PDE3A: variants seen among roughly 807,000 people sequenced by gnomAD.
PDE3A encodes phosphodiesterase 3A.
A neutral mutation model predicts 98.3 loss-of-function variants in PDE3A; 43 were observed. The ratio of observed to expected loss-of-function variants is 0.44; its 90% CI spans 0.34 to 0.56. The LOEUF is 0.56. Ranked by LOEUF, PDE3A falls within the 20% of genes least tolerant of loss-of-function variation. The pLI, the probability that PDE3A is intolerant of heterozygous loss-of-function variation, is 0.01. For missense variants in PDE3A, 1,427 were observed against 1,440.7 expected (o/e 0.99, Z 0.15); for synonymous variants, 663 against 567.9 (o/e 1.17, Z -2.38).
intron 1 of PDE3A, among the ~76,000 whole-genome samples, chr12:20,503,662 G>A (rs1946063622): frequency 6.6e-6 from 1 of 151,820 alleles, no homozygotes; most frequent in Non-Finnish European, 1.5e-5. Flanking sequence ...TTTTAAAAAA[G>A]TTGTCCAGAT....
intron 1 of PDE3A, among the ~76,000 whole-genome samples, chr12:20,505,016 T>A (rs1210622407): frequency 6.6e-6 from 1 of 152,124 alleles, no homozygotes; most frequent in South Asian, 2.1e-4. Flanking sequence ...CTTTTCCTTG[T>A]AATTATACAG....
intron 2 of PDE3A, among the ~76,000 whole-genome samples, chr12:20,601,477 A>C (rs1943589874): frequency 1.3e-5 from 2 of 152,326 alleles, no homozygotes; most frequent in South Asian, 4.1e-4. Flanking sequence ...ATGGCAGTAA[A>C]GTTCCACAAA....
At chr12:20,633,315 T>G (rs1944424409) in intron 6 of PDE3A, among the ~76,000 whole-genome samples, 1 of 152,170 alleles carries the variant, frequency 6.6e-6, no homozygotes, top group African/African-American at 2.4e-5. Context: ...GGAAGATAAC[T>G]TTTGTCTAAA....
chr12:20,503,838 G>A (rs1946066697), intron 1 of PDE3A, among the ~76,000 whole-genome samples: 2 of 151,946 alleles, frequency 1.3e-5, no homozygotes, highest in Admixed American at 6.6e-5. Context: ...TCATTAAATT[G>A]TAGCTTTCAA....
chr12:20,585,373 T>C (rs1943167144), intron 2 of PDE3A, among the ~76,000 whole-genome samples: 1 of 152,226 alleles, frequency 6.6e-6, no homozygotes, highest in Non-Finnish European at 1.5e-5. Context: ...CCTAAGCATT[T>C]ATTCTTGGAA....
chr12:20,540,008 C>T (rs1403249099), intron 1 of PDE3A, among the ~76,000 whole-genome samples: 6 of 152,050 alleles, frequency 3.9e-5, no homozygotes, highest in East Asian at 1.9e-4. Flanking sequence ...AAATTCAGCT[C>T]GAGTCCACCC....
intron 1 of PDE3A, among the ~76,000 whole-genome samples, chr12:20,494,016 A>G (rs944997039): frequency 2.6e-5 from 4 of 152,246 alleles, no homozygotes; most frequent in Non-Finnish European, 4.4e-5. Context: ...AAGGGGATTC[A>G]GACTATTTTC....
At chr12:20,532,687 C>CTTTT (rs137966114) in intron 1 of PDE3A, among the ~76,000 whole-genome samples, 1 of 107,888 alleles carries the variant, frequency 9.3e-6, no homozygotes, top group Admixed American at 9.9e-5. Flanking sequence ...GTTTCTCTCT[C>CTTTT]TTTTTTTTTT....
At position 20,616,317 on chromosome 12, in the gene PDE3A, T is replaced by C. The variant is rs1944007243; in HGVS notation, c.1357T>C (p.Leu453=). Residue 453 remains leucine, a synonymous_variant, in exon 4 of 16, where the codon TTG becomes CTG. Coordinates refer to ENST00000359062, the MANE Select transcript of PDE3A (RefSeq NM_000921.5). ...TTTSATGLPT[L]EPAPVRRDRS... ...CACCTCGGCCACAGGTCTACCCACC[T>C]TGGAGCCTGCACCAGTACGGAGAGA... is the stretch of plus-strand genomic sequence containing the variant. 6.2e-7 allele frequency: 1 copy of C among 1,614,104 alleles called. No individual in the cohort carries two copies. The highest frequency in any genetic ancestry group is 8.5e-7 in the Non-Finnish European group (1 of 1,179,986).
At chr12:20,619,324 A>T (rs1248800429) in intron 4 of PDE3A, among the ~76,000 whole-genome samples, 1 of 151,546 alleles carries the variant, frequency 6.6e-6, no homozygotes, top group Non-Finnish European at 1.5e-5. Flanking sequence ...AACACATTTT[A>T]AATGTTTTTA....
rs1022970456 is a variant in PDE3A at position 20,566,972 on chromosome 12, A to AT, written c.1011+10266dup. ...ATGGTAGTATATGCACAATTATTGC[A>AT]TTTTCAGGCCTTTGCATGAGTTTTT... On this transcript the variant is annotated intron_variant, in intron 2 of 15. Coordinates refer to ENST00000359062, the MANE Select transcript of PDE3A (RefSeq NM_000921.5). Among the ~76,000 whole-genome samples, 13 of 152,036 alleles carry AT rather than the reference A, an allele frequency of 8.6e-5. No homozygotes were observed. In the East Asian group the frequency reaches 2.3e-3, roughly 27 times the overall value.
intron 14 of PDE3A, among the ~76,000 whole-genome samples, chr12:20,653,630 G>T (rs1270479782): frequency 2.0e-5 from 3 of 152,166 alleles, no homozygotes; most frequent in Admixed American, 6.5e-5. Flanking sequence ...ACAGGCGTGA[G>T]CCACCACGCC....
intron 1 of PDE3A, among the ~76,000 whole-genome samples, chr12:20,461,461 G>C (rs1054121847): frequency 1.4e-4 from 22 of 152,090 alleles, no homozygotes; most frequent in African/African-American, 4.8e-4. Flanking sequence ...TAACATGGTA[G>C]AATCACCAAG....
At chr12:20,646,446 C>T (rs1337123541) in intron 10 of PDE3A, 44 bp from the exon 11 acceptor site, 1 of 1,081,062 alleles carries the variant, frequency 9.3e-7, no homozygotes, top group Admixed American at 1.7e-5. Flanking sequence ...TTCTTGGACC[C>T]CAAAGTTCAT....
chr12:20,470,595 G>A (rs4762759), intron 1 of PDE3A, among the ~76,000 whole-genome samples: 119,105 of 152,066 alleles, frequency 0.78, 46,926 homozygotes, highest in East Asian at 0.98. Flanking sequence ...AGTATTTTAG[G>A]CAGGACTAGG....
In PDE3A at chr12:20,552,287, A is replaced by G; in HGVS notation, c.961-4373A>G. On this transcript the variant is annotated intron_variant, in intron 1 of 15. Coordinates refer to ENST00000359062, the MANE Select transcript of PDE3A (RefSeq NM_000921.5). This position sits in a 1 kb window ranked among gnomAD's most constrained non-coding sequence, Gnocchi z 5.1. ...AGCAAGTACGCCCCCGCTGAGGGCAACCGCTACGATGGCATCTACAAGGTT... is the reference window on the plus strand; with the variant it reads ...AGCAAGTACGCCCCCGCTGAGGGCAGCCGCTACGATGGCATCTACAAGGTT... The G allele has an allele frequency of 4.3e-6, 7 of 1,613,912 alleles. No homozygotes were observed. The South Asian group carries it at 4.4e-5, about 10-fold the overall frequency.
chr12:20,504,993 A>G (rs1289649147), intron 1 of PDE3A, among the ~76,000 whole-genome samples: 1 of 152,040 alleles, frequency 6.6e-6, no homozygotes, highest in Non-Finnish European at 1.5e-5. Flanking sequence ...CAGTAGCTGA[A>G]AGCACCAGAG....
chr12:20,537,559 T>C (rs1468156327), intron 1 of PDE3A, among the ~76,000 whole-genome samples: 2 of 152,130 alleles, frequency 1.3e-5, no homozygotes, highest in Admixed American at 1.3e-4. Flanking sequence ...ATTCTTAATT[T>C]TAGTGTTTTC....
At chr12:20,576,531 A>G (rs1942936230) in intron 2 of PDE3A, among the ~76,000 whole-genome samples, 2 of 152,154 alleles carry the variant, frequency 1.3e-5, no homozygotes, top group Admixed American at 1.3e-4. Context: ...AAGCATTAAG[A>G]TATCTGGAAA....
Sources: allele counts gnomAD v4.1 joint callset (sites outside exome capture counted in the v4.1 genomes callset), GRCh38; gene constraint gnomAD v4.1.1; non-coding constraint Gnocchi (gnomAD v3.1); transcripts MANE v1.5; gene names NCBI Gene and HGNC (gene_info 2026-07-23, HGNC 2026-07-21).